The following KREMEN1 variants were observed in gnomAD, a reference collection of about 807,000 sequenced individuals.
KREMEN1 encodes the protein kremen protein 1.
A neutral mutation model predicts 46.5 loss-of-function variants in KREMEN1; 30 were observed. That is an observed-to-expected ratio of 0.65 (90% CI 0.48 to 0.88). The LOEUF (loss-of-function observed/expected upper bound fraction) is 0.88. Ranked by LOEUF, KREMEN1 falls within the 40% of genes least tolerant of loss-of-function variation. The pLI is 0.00. For synonymous variants in KREMEN1, 214 were observed against 230.6 expected (o/e 0.93, Z 0.65); for missense variants, 533 against 596.9 (o/e 0.89, Z 1.11).
exon 10 of KREMEN1, chr22:29,167,142 G>C: frequency 6.5e-7 from 1 of 1,527,988 alleles, no homozygotes; most frequent in South Asian, 1.2e-5. Flanking sequence ...GCATATCTGG[G>C]TGGCAATTTC....
Position 29,145,625 on chromosome 22 carries a change from A to G in KREMEN1, c.*3513A>G, listed in dbSNP as rs1189815177. 1 of 985,402 alleles carries G rather than the reference A, an allele frequency of 1.0e-6. No individual in the cohort carries two copies. The highest frequency in any genetic ancestry group is 6.1e-5 in the Admixed American group (1 of 16,262). The allele number at this position is 985,402 out of a possible 1,614,324, so 61.0% of individuals were successfully genotyped here. Reference sequence around the variant, plus strand: ...TTCTGAGAAGGCAGGCGGGAGGCACACGGTGCCCTGTTCTTCCCCGTTTGT... The same window carrying G: ...TTCTGAGAAGGCAGGCGGGAGGCACGCGGTGCCCTGTTCTTCCCCGTTTGT... On this transcript the variant is annotated 3_prime_UTR_variant, in exon 9 of 9. Coordinates refer to ENST00000400335, the MANE Select transcript of KREMEN1 (RefSeq NM_001039570.3).
At chr22:29,096,303 A>G (rs374499925) in intron 2 of KREMEN1, among the ~76,000 whole-genome samples, 1 of 152,178 alleles carries the variant, frequency 6.6e-6, no homozygotes. Context: ...GGTTTATTCT[A>G]TTGCTCTGTT....
intron 9 of KREMEN1, among the ~76,000 whole-genome samples, chr22:29,155,049 C>G (rs183001380): frequency 6.6e-6 from 1 of 151,824 alleles, no homozygotes; most frequent in African/African-American, 2.4e-5. Flanking sequence ...TGTAGTGCTT[C>G]TACACACACT....
intron 1 of KREMEN1, 44 bp from the exon 2 acceptor site, chr22:29,094,214 A>C: frequency 6.5e-7 from 1 of 1,536,792 alleles, no homozygotes; most frequent in Non-Finnish European, 8.9e-7. Flanking sequence ...GAAACCATGA[A>C]TGTTGCCAGA....
chr22:29,099,353 G>T (rs906911435), intron 3 of KREMEN1: 1 of 162,498 alleles, frequency 6.2e-6, no homozygotes, highest in African/African-American at 2.4e-5. Flanking sequence ...ATTTGAATGG[G>T]TCCCCAGAAG....
intron 9 of KREMEN1, among the ~76,000 whole-genome samples, chr22:29,161,512 A>G (rs2039012234): frequency 1.3e-5 from 2 of 150,394 alleles, no homozygotes; most frequent in Non-Finnish European, 3.0e-5. Flanking sequence ...ATCTCAAAAA[A>G]AAAAAAAAAA....
chr22:29,113,798 G>C (rs1005046026), intron 3 of KREMEN1, among the ~76,000 whole-genome samples: 1 of 152,196 alleles, frequency 6.6e-6, no homozygotes, highest in African/African-American at 2.4e-5. Context: ...CCACAGTGTG[G>C]ATGGCAGAAA....
chr22:29,079,213 C>T (rs901295047), intron 1 of KREMEN1, among the ~76,000 whole-genome samples: 1 of 152,054 alleles, frequency 6.6e-6, no homozygotes, highest in Admixed American at 6.5e-5. Flanking sequence ...TAAGGGAATT[C>T]CTTCCCCTCC....
intron 5 of KREMEN1, among the ~76,000 whole-genome samples, chr22:29,126,153 G>A (rs1283798181): frequency 6.6e-6 from 1 of 150,572 alleles, no homozygotes; most frequent in Non-Finnish European, 1.5e-5. Context: ...AAGAAATATT[G>A]TAGTGTCTGT....
In KREMEN1 at chr22:29,082,472, G is replaced by A. The variant is rs139534119; in HGVS notation, c.97+9245G>A. Among the ~76,000 whole-genome samples, 20 of 152,216 alleles carry A rather than the reference G, an allele frequency of 1.3e-4. No individual in the cohort carries two copies. The East Asian group carries it at 3.9e-3, about 29-fold the overall frequency. On this transcript the variant is annotated intron_variant, in intron 1 of 8. Transcript: ENST00000400335. ...TGAACTTTCCTAGAACTTCTCATAG[G>A]TATTGCTAGGTAAGTCTTGAGGCTG...
intron 9 of KREMEN1, among the ~76,000 whole-genome samples, chr22:29,159,382 AG>A (rs1168471871): frequency 2.0e-5 from 3 of 149,514 alleles, no homozygotes; most frequent in Admixed American, 6.7e-5. Flanking sequence ...GCTCTTTGGG[AG>A]GTTGAGGCGG....
chr22:29,131,440 C>T (rs1351786140), intron 5 of KREMEN1, among the ~76,000 whole-genome samples: 5 of 146,956 alleles, frequency 3.4e-5, no homozygotes, highest in African/African-American at 5.2e-5. Context: ...TTTTTTATCA[C>T]CTCACAAGTT....
rs578219889 is a variant in KREMEN1, at chr22:29,130,575, T to G, written c.631+5159T>G. Among the ~76,000 whole-genome samples, 6 of 152,280 alleles carry G rather than the reference T, an allele frequency of 3.9e-5. No individual in the cohort carries two copies. The East Asian group carries it at 1.2e-3, about 29-fold the overall frequency. On this transcript the variant is annotated intron_variant, in intron 5 of 8. Transcript: ENST00000400335. Reference sequence around the variant, plus strand: ...CTTTCCATCCTGAGTGGAATCTGATTCATGGCTGGGACCCATTTGGCTAAG... The same window carrying G: ...CTTTCCATCCTGAGTGGAATCTGATGCATGGCTGGGACCCATTTGGCTAAG...
At chr22:29,116,099 C>T (rs909516210) in intron 3 of KREMEN1, among the ~76,000 whole-genome samples, 1 of 152,214 alleles carries the variant, frequency 6.6e-6, no homozygotes, top group African/African-American at 2.4e-5. Context: ...CTACCAGTCA[C>T]GCTCACTTCT....
chr22:29,098,727 A>T (rs2037924377), intron 2 of KREMEN1, 135 bp from the exon 3 acceptor site: 1 of 658,760 alleles, frequency 1.5e-6, no homozygotes, highest in Non-Finnish European at 2.7e-6. Flanking sequence ...TTGATGAGAG[A>T]TGGCACTGAG....
chr22:29,131,560 A>ATATATATATGTGTGTG (rs1240832937), intron 5 of KREMEN1, among the ~76,000 whole-genome samples: 2 of 69,934 alleles, frequency 2.9e-5, no homozygotes, highest in African/African-American at 1.7e-4. Context: ...ATATATATAT[A>ATATATATATGTGTGTG]TGTGTGTGTG....
intron 9 of KREMEN1, among the ~76,000 whole-genome samples, chr22:29,165,897 C>T (rs1032526422): frequency 2.0e-5 from 3 of 152,186 alleles, no homozygotes; most frequent in Non-Finnish European, 2.9e-5. Flanking sequence ...GGAGGGCGCC[C>T]GTTAGCAGCG....
chr22:29,148,949 T>A (rs2038894689), downstream of KREMEN1, among the ~76,000 whole-genome samples: 1 of 152,044 alleles, frequency 6.6e-6, no homozygotes, highest in Non-Finnish European at 1.5e-5. Context: ...TGGCTCTCGG[T>A]GGGATGCATT....
chr22:29,143,383 G>A lies in KREMEN1; in HGVS notation c.*1271G>A, dbSNP rs1459711184. The A allele has an allele frequency of 1.7e-5, 17 of 985,262 alleles. No individual in the cohort carries two copies. Among genetic ancestry groups the A allele is most frequent in the Non-Finnish European group, 1.9e-5 (16 of 829,960 alleles). The allele number at this position is 985,262 out of a possible 1,614,324, so 61.0% of individuals were successfully genotyped here. Reference sequence around the variant, plus strand: ...ATCAATCTTGTGTTTTTGCCCTTAGGCAGCACTATATGAGACATGGGGCCT... The same window carrying A: ...ATCAATCTTGTGTTTTTGCCCTTAGACAGCACTATATGAGACATGGGGCCT... On this transcript the variant is annotated 3_prime_UTR_variant, in exon 9 of 9. Coordinates refer to ENST00000400335, the MANE Select transcript of KREMEN1 (RefSeq NM_001039570.3).
Sources: gnomAD v4.1 joint callset for allele counts (sites outside exome capture counted in the v4.1 genomes callset) on GRCh38, gnomAD v4.1.1 for gene constraint, MANE v1.5 for transcripts, NCBI Gene and HGNC (gene_info 2026-07-23, HGNC 2026-07-21) for gene names.